The following OAS3 variants were observed in gnomAD, a reference collection of about 807,000 sequenced individuals.
OAS3 encodes 2'-5'-oligoadenylate synthetase 3.
OAS3 carries 107 observed loss-of-function variants against 113.0 expected under a neutral mutation model. The ratio of observed to expected loss-of-function variants is 0.95; its 90% CI spans 0.81 to 1.11. The LOEUF is 1.11. OAS3 is among the 50% of genes most tolerant of loss of function. The pLI is 0.00. For missense variants in OAS3, 1,258 were observed against 1,389.1 expected, an observed-to-expected ratio of 0.91 and a Z score of 1.50; for synonymous variants, 552 against 573.6, an observed-to-expected ratio of 0.96 and a Z score of 0.54.
intron 7 of OAS3, among the ~76,000 whole-genome samples, chr12:112,958,008 C>G (rs1243567936): frequency 1.3e-5 from 2 of 152,216 alleles, no homozygotes; most frequent in South Asian, 2.1e-4. Context: ...CATATAGTCC[C>G]ATCTTTCTTG....
rs748585064 is a variant in OAS3, at chr12:112,941,786, C to T, written c.394C>T (p.Arg132Cys). The T allele has an allele frequency of 3.1e-5, 50 of 1,613,896 alleles. No homozygotes were observed. The South Asian group carries it at 3.5e-4, about 11-fold the overall frequency. The change falls in exon 2 of 16, where the codon CGC becomes TGC. Residue 132 changes from arginine (R) to cysteine (C), a missense_variant. Physicochemically the swap from Arg to Cys is radical, Grantham distance 180. Transcript: ENST00000228928. Reference sequence around the variant, plus strand: ...GAGCGTGCCTGGGGCCCTGCAGTTCCGCCTGACATCCGTAGATCTTGAGGA... The same window carrying T: ...GAGCGTGCCTGGGGCCCTGCAGTTCTGCCTGACATCCGTAGATCTTGAGGA... Reference protein sequence around the residue: ...EQSVPGALQFRLTSVDLEDWM... With the variant: ...EQSVPGALQFCLTSVDLEDWM...
Position 112,948,798 on chromosome 12 carries a change from G to A in OAS3, c.1030-63G>A, listed in dbSNP as rs2043757955. 3.1e-6 allele frequency: 4 copies of A among 1,279,890 alleles called. No homozygotes were observed. The African/African-American group carries it at 4.5e-5, about 14-fold the overall frequency. The allele number at this position is 1,279,890 out of a possible 1,614,324, so 79.3% of individuals were successfully genotyped here. A position where few individuals can be genotyped will look rare whatever the true frequency, so the allele number is the denominator to read the frequency against. ...CAAAGGGCGGGAGCTGGGGAGAGAAGGCATTGGGTTGATGCAGAAACCACT... is the reference window on the plus strand; with the variant it reads ...CAAAGGGCGGGAGCTGGGGAGAGAAAGCATTGGGTTGATGCAGAAACCACT... On this transcript the variant is annotated intron_variant, in intron 5 of 15. Coordinates refer to ENST00000228928, the MANE Select transcript of OAS3 (RefSeq NM_006187.4).
intron 15 of OAS3, 35 bp from the exon 16 acceptor site, chr12:112,969,927 T>A (rs776102915): frequency 6.2e-7 from 1 of 1,605,116 alleles, no homozygotes; most frequent in South Asian, 1.1e-5. Flanking sequence ...GCAGAAAGAA[T>A]GGGGTTACCA....
chr12:112,940,541 T>C (rs919910685), intron 1 of OAS3, among the ~76,000 whole-genome samples: 6 of 152,102 alleles, frequency 3.9e-5, no homozygotes, highest in Admixed American at 1.3e-4. Context: ...AATCCTCAGG[T>C]TGGAAGCTTT....
In OAS3 at chr12:112,962,244, C is replaced by T. The variant is rs1488532720; in HGVS notation, c.1834-408C>T. On this transcript the variant is annotated intron_variant, in intron 8 of 15. Transcript: ENST00000228928. Reference sequence around the variant, plus strand: ...CCTGCTATTTCTAACTTGTGATGGACACTGGGATACCAAGATGGATACATT... The same window carrying T: ...CCTGCTATTTCTAACTTGTGATGGATACTGGGATACCAAGATGGATACATT... Among the ~76,000 whole-genome samples the T allele has an allele frequency of 3.9e-5, 6 of 152,218 alleles. No homozygotes were observed. In the East Asian group the frequency reaches 1.2e-3, roughly 29 times the overall value.
At chr12:112,957,911 G>A (rs2043850439) in intron 7 of OAS3, among the ~76,000 whole-genome samples, 1 of 152,170 alleles carries the variant, frequency 6.6e-6, no homozygotes, top group African/African-American at 2.4e-5. Flanking sequence ...AGTTCTCCTG[G>A]ATAATATCCT....
chr12:112,962,790 G>T lies in OAS3; in HGVS notation c.1972G>T (p.Val658Leu). The T allele has an allele frequency of 1.2e-6, 2 of 1,614,054 alleles. No individual in the cohort carries two copies. Among genetic ancestry groups the T allele is most frequent in the Non-Finnish European group, 1.7e-6 (2 of 1,179,904 alleles). ...CFNMAQGFRT[V>L]LGLVQQHQQL... ...CAACATGGCCCAAGGCTTCCGGACG[G>T]TGCTGGGGCTCGTGCAACAGCATCA... Residue 658 changes from valine (V) to leucine (L), a missense_variant, in exon 9 of 16, where the codon GTG becomes TTG. Physicochemically the swap from Val to Leu is conservative, Grantham distance 32. Coordinates refer to ENST00000228928, the MANE Select transcript of OAS3 (RefSeq NM_006187.4).
intron 14 of OAS3, chr12:112,969,406 C>A: frequency 1.6e-6 from 1 of 618,054 alleles, no homozygotes; most frequent in Non-Finnish European, 2.9e-6. Flanking sequence ...TAATGTTTGC[C>A]TGAATGCAGA....
At chr12:112,948,667 T>C (rs964291099) in intron 5 of OAS3, among the ~76,000 whole-genome samples, 194 bp from the exon 6 acceptor site, 4 of 152,128 alleles carry the variant, frequency 2.6e-5, no homozygotes, top group Admixed American at 2.6e-4. Context: ...TTTTGCAGTT[T>C]ATCCCTCCAG....
rs747251768 is a variant in OAS3 at position 112,948,917 on chromosome 12, C to A, written c.1086C>A (p.Asn362Lys). 1.9e-6 allele frequency: 3 copies of A among 1,608,716 alleles called. No individual in the cohort carries two copies. The African/African-American group carries it at 4.0e-5, about 21-fold the overall frequency. The change falls in exon 6 of 16, where the codon AAC (asparagine) becomes AAA (lysine). Residue 362 changes from asparagine (N) to lysine (K), a missense_variant. Coordinates refer to ENST00000228928, the MANE Select transcript of OAS3 (RefSeq NM_006187.4). ...GLGHPIQLDPNQKTPENSKSL... is the reference protein window; with the variant it reads ...GLGHPIQLDPKQKTPENSKSL... ...GCCACCCCATCCAGCTAGACCCTAACCAGAAGACCCCTGAAAACAGCAAGA... is the reference window on the plus strand; with the variant it reads ...GCCACCCCATCCAGCTAGACCCTAAACAGAAGACCCCTGAAAACAGCAAGA...
At chr12:112,952,363 C>T (rs1565977755) in intron 7 of OAS3, among the ~76,000 whole-genome samples, 1 of 152,062 alleles carries the variant, frequency 6.6e-6, no homozygotes, top group Non-Finnish European at 1.5e-5. Context: ...TCCTGACGTA[C>T]CCTCTCTACT....
chr12:112,940,475 G>A (rs1038358592), intron 1 of OAS3, among the ~76,000 whole-genome samples: 2 of 152,170 alleles, frequency 1.3e-5, no homozygotes, highest in Admixed American at 1.3e-4. Flanking sequence ...GATTAGAGAC[G>A]TCAGATCCCA....
At position 112,968,013 on chromosome 12, in the gene OAS3, G is replaced by A. The variant is rs1565983082; in HGVS notation, c.2943G>A (p.Glu981=). 1.2e-6 allele frequency: 2 copies of A among 1,614,050 alleles called. No homozygotes were observed. Among genetic ancestry groups the A allele is most frequent in the Non-Finnish European group, 1.7e-6 (2 of 1,179,896 alleles). ...AACTCCTGACTGTGTATGCCTGGGA[G>A]CAGGGCGGGAAGGACTCCCAGTTCA... ...GLELLTVYAW[E]QGGKDSQFNM... The change falls in exon 14 of 16, where the codon GAG becomes GAA. Residue 981 remains glutamate, a synonymous_variant. Transcript: ENST00000228928.
At chr12:112,960,190 C>T (rs1373748021) in intron 7 of OAS3, among the ~76,000 whole-genome samples, 1 of 152,140 alleles carries the variant, frequency 6.6e-6, no homozygotes, top group Non-Finnish European at 1.5e-5. Context: ...TCTACCTGGA[C>T]TCCAAGAGTT....
At chr12:112,951,839 CAAAAAA>C (rs3038125) in intron 7 of OAS3, among the ~76,000 whole-genome samples, 2,861 of 105,738 alleles carry the variant, frequency 0.027, 43 homozygotes, top group East Asian at 0.097. Context: ...ACTAAAAATA[CAAAAAA>C]AAAAAAAAAA....
intron 14 of OAS3, among the ~76,000 whole-genome samples, chr12:112,968,839 A>G (rs769059480): frequency 6.6e-6 from 1 of 152,158 alleles, no homozygotes; most frequent in Non-Finnish European, 1.5e-5. Context: ...GTTAAATCTG[A>G]CCACCCTACC....
At chr12:112,939,930 G>C (rs2043665279) in intron 1 of OAS3, among the ~76,000 whole-genome samples, 1 of 152,238 alleles carries the variant, frequency 6.6e-6, no homozygotes, top group South Asian at 2.1e-4. Context: ...GGGGAAGGAG[G>C]AGACACTTGT....
chr12:112,961,014 T>C, intron 7 of OAS3, 57 bp from the exon 8 acceptor site: 1 of 1,556,096 alleles, frequency 6.4e-7, no homozygotes, highest in African/African-American at 1.4e-5. Flanking sequence ...GATGGGTTGG[T>C]AAATGCTGCT....
intron 2 of OAS3, 81 bp from the exon 3 acceptor site, chr12:112,944,395 C>T: frequency 6.7e-7 from 1 of 1,497,910 alleles, no homozygotes; most frequent in Non-Finnish European, 9.3e-7. Flanking sequence ...CTCAGCGCCC[C>T]AGGCTGAGCT....
Sources: gnomAD v4.1 joint callset for allele counts (sites outside exome capture counted in the v4.1 genomes callset) on GRCh38, gnomAD v4.1.1 for gene constraint, MANE v1.5 for transcripts, NCBI Gene and HGNC (gene_info 2026-07-23, HGNC 2026-07-21) for gene names.